UCK2: variants seen among roughly 807,000 people sequenced by gnomAD.
UCK2 encodes the protein uridine-cytidine kinase 2, also known as cytidine monophosphokinase 2.
Under a neutral mutation model 30.8 loss-of-function variants are expected in UCK2, and 6 were observed. The observed-to-expected ratio is 0.19, with a 90% CI of 0.11 to 0.38. The LOEUF (loss-of-function observed/expected upper bound fraction) is 0.38, where lower values mean the gene tolerates loss of function less well. Among genes scored for constraint, UCK2 ranks in the 10% least tolerant of loss-of-function variants. The pLI is 1.00. For synonymous variants in UCK2, 125 were observed against 133.6 expected (o/e 0.94, Z 0.45); for missense variants, 210 against 339.8 (o/e 0.62, Z 3.00).
At chr1:165,897,038 G>C (rs1647283530) in intron 4 of UCK2, among the ~76,000 whole-genome samples, 1 of 152,212 alleles carries the variant, frequency 6.6e-6, no homozygotes, top group Non-Finnish European at 1.5e-5. Context: ...GTTGGGACTT[G>C]GATGTGGTGG....
At chr1:165,847,048 G>A (rs1479894034) in intron 1 of UCK2, among the ~76,000 whole-genome samples, 1 of 152,036 alleles carries the variant, frequency 6.6e-6, no homozygotes, top group Non-Finnish European at 1.5e-5. Flanking sequence ...TAATGAGGCT[G>A]CTGCTGCTGT....
At chr1:165,862,889 T>C (rs937568009) in intron 1 of UCK2, among the ~76,000 whole-genome samples, 1 of 152,348 alleles carries the variant, frequency 6.6e-6, no homozygotes, top group Middle Eastern at 3.4e-3. Context: ...TTGTCAGATC[T>C]GTGTGTAGAA....
intron 1 of UCK2, among the ~76,000 whole-genome samples, chr1:165,868,574 C>T (rs1427477158): frequency 2.0e-5 from 3 of 152,234 alleles, no homozygotes; most frequent in Non-Finnish European, 2.9e-5. Context: ...GGTTTCTTAA[C>T]TTAAGCCTCA....
intron 1 of UCK2, among the ~76,000 whole-genome samples, chr1:165,836,196 C>A (rs542863944): frequency 6.6e-6 from 1 of 151,546 alleles, no homozygotes; most frequent in East Asian, 1.9e-4. Context: ...CCACTACACT[C>A]CAGCCTGGGC....
chr1:165,879,343 C>T (rs535062849), intron 1 of UCK2, among the ~76,000 whole-genome samples: 17 of 152,108 alleles, frequency 1.1e-4, no homozygotes, highest in Non-Finnish European at 1.8e-4. Context: ...TTTTTTTGGT[C>T]GATGGATATC....
At chr1:165,907,432 A>ATT (rs1287519026) in intron 6 of UCK2, among the ~76,000 whole-genome samples, 3 of 152,142 alleles carry the variant, frequency 2.0e-5, no homozygotes, top group African/African-American at 7.2e-5. Context: ...TAAGAAGCCC[A>ATT]TTCATTAAGG....
rs1647723150 is a variant in UCK2, at chr1:165,907,836, G to A, written c.*13G>A. 3.7e-6 allele frequency: 6 copies of A among 1,613,350 alleles called. No individual in the cohort carries two copies. The highest frequency in any genetic ancestry group is 1.7e-5 in the Admixed American group (1 of 59,962). ...CAGGCCGCATTGACCCGTCTCCATC[G>A]GACCCCAGCCCCTATCTCCAAGAGA... On this transcript the variant is annotated 3_prime_UTR_variant, in exon 7 of 7. Transcript: ENST00000367879.
chr1:165,891,350 G>T (rs1655762495), intron 3 of UCK2, 28 bp downstream of exon 3: 1 of 1,598,268 alleles, frequency 6.3e-7, no homozygotes, highest in African/African-American at 1.3e-5. Context: ...GGCCAGGGAT[G>T]GCACCCACTG....
At chr1:165,877,656 G>A (rs1427464974) in intron 1 of UCK2, among the ~76,000 whole-genome samples, 3 of 152,088 alleles carry the variant, frequency 2.0e-5, no homozygotes, top group Admixed American at 6.5e-5. Context: ...TTTAACCATC[G>A]GCGTAATGAA....
At chr1:165,903,372 C>A in intron 5 of UCK2, 93 bp downstream of exon 5, 1 of 1,010,356 alleles carries the variant, frequency 9.9e-7, no homozygotes, top group Non-Finnish European at 1.5e-6. Flanking sequence ...GCTCCCCTGC[C>A]TGAATCTCAC....
intron 1 of UCK2, among the ~76,000 whole-genome samples, chr1:165,830,166 C>T (rs1055373317): frequency 1.3e-5 from 2 of 151,418 alleles, no homozygotes; most frequent in East Asian, 1.9e-4. Flanking sequence ...CCATCATGCC[C>T]GACTAATTTT....
chr1:165,834,431 A>G (rs1019100744), intron 1 of UCK2, among the ~76,000 whole-genome samples: 4 of 152,124 alleles, frequency 2.6e-5, no homozygotes, highest in African/African-American at 4.8e-5. Context: ...CACCATTGCA[A>G]TCCAACCTGG....
In UCK2 at chr1:165,827,777, C is replaced by A; in HGVS notation, c.-57C>A. 1 of 1,286,460 alleles carries A rather than the reference C, an allele frequency of 7.8e-7. No individual in the cohort carries two copies. Among genetic ancestry groups the A allele is most frequent in the Non-Finnish European group, 9.9e-7 (1 of 1,005,692 alleles). The allele number at this position is 1,286,460 out of a possible 1,614,324, so 79.7% of individuals were successfully genotyped here. A position where few individuals can be genotyped will look rare whatever the true frequency, so the allele number is the denominator to read the frequency against. ...AAGCGGAGGGAGTCCGACGCGGGCG[C>A]GGGCGGGGAGCGTGCGTCCGTTCGC... is the stretch of plus-strand genomic sequence containing the variant. On this transcript the variant is annotated 5_prime_UTR_variant, in exon 1 of 7. Coordinates refer to ENST00000367879, the MANE Select transcript of UCK2 (RefSeq NM_012474.5).
chr1:165,832,049 A>G (rs1654062025), intron 1 of UCK2, among the ~76,000 whole-genome samples: 2 of 152,258 alleles, frequency 1.3e-5, no homozygotes, highest in South Asian at 2.1e-4. Context: ...GATTACATGC[A>G]TGAGCCACCG....
chr1:165,827,996 G>A, intron 1 of UCK2, 64 bp downstream of exon 1: 19 of 1,183,812 alleles, frequency 1.6e-5, no homozygotes, highest in Non-Finnish European at 2.0e-5. Flanking sequence ...GCATGTGGCC[G>A]GCGGCCGCGG....
At position 165,876,213 on chromosome 1, in the gene UCK2, CCT is replaced by C. The variant is rs1320253134; in HGVS notation, c.100-13986_100-13985del. ...TGGGCATTTCTATGGAAACACAACA[CCT>C]CTCTTAAATGGCAGTTTCACACATC... is the stretch of plus-strand genomic sequence containing the variant. On this transcript the variant is annotated intron_variant, in intron 1 of 6. Transcript: ENST00000367879. Among the ~76,000 whole-genome samples, 4 of 152,188 alleles carry C rather than the reference CCT, an allele frequency of 2.6e-5. No homozygotes were observed. The East Asian group carries it at 5.8e-4, about 22-fold the overall frequency.
At position 165,890,383 on chromosome 1, in the gene UCK2, G is replaced by C. The variant is rs777822007; in HGVS notation, c.259+20G>C. 1 of 1,611,490 alleles carries C rather than the reference G, an allele frequency of 6.2e-7. No homozygotes were observed. The highest frequency in any genetic ancestry group is 1.1e-5 in the South Asian group (1 of 90,990). On this transcript the variant is annotated intron_variant, in intron 2 of 6. Coordinates refer to ENST00000367879, the MANE Select transcript of UCK2 (RefSeq NM_012474.5). The stretch of plus-strand genomic sequence containing the variant: ...ACCCGGGTGAGTCGGGCATTGAAGG[G>C]GGTATGTATCTGTATTGGTGTGTTG...
At chr1:165,898,256 GTGCAAATT>G (rs202144047) in intron 4 of UCK2, among the ~76,000 whole-genome samples, 15,276 of 152,120 alleles carry the variant, frequency 0.1, 2,558 homozygotes, top group African/African-American at 0.35. Context: ...GTGGCAAATT[GTGCAAATT>G]GGCAAATTGT....
Position 165,907,860 on chromosome 1 carries a change from G to C in UCK2, c.*37G>C. On this transcript the variant is annotated 3_prime_UTR_variant, in exon 7 of 7. Coordinates refer to ENST00000367879, the MANE Select transcript of UCK2 (RefSeq NM_012474.5). ...CGGACCCCAGCCCCTATCTCCAAGA[G>C]ACAGAGGAGGGGTCAGGAGGCACTG... 6.2e-7 allele frequency: 1 copy of C among 1,609,758 alleles called. No individual in the cohort carries two copies. Among genetic ancestry groups the C allele is most frequent in the East Asian group, 2.2e-5 (1 of 44,850 alleles).
Sources: allele counts gnomAD v4.1 joint callset (sites outside exome capture counted in the v4.1 genomes callset), GRCh38; gene constraint gnomAD v4.1.1; transcripts MANE v1.5; gene names NCBI Gene and HGNC (gene_info 2026-07-23, HGNC 2026-07-21).